Variants in SHC4 observed in about 807,000 individuals in gnomAD.
The protein encoded by SHC4 is SHC adaptor protein 4, also known as SHC-transforming protein 4.
Under a neutral mutation model 69.4 loss-of-function variants are expected in SHC4, and 41 were observed. The ratio of observed to expected loss-of-function variants is 0.59; its 90% CI spans 0.46 to 0.77. The LOEUF (loss-of-function observed/expected upper bound fraction) is 0.77, where lower values mean the gene tolerates loss of function less well. Ranked by LOEUF, SHC4 falls within the 30% of genes least tolerant of loss-of-function variation. SHC4 has a pLI of 0.00. For synonymous variants in SHC4, 318 were observed against 299.3 expected (o/e 1.06, Z -0.64); for missense variants, 777 against 783.8 (o/e 0.99, Z 0.10).
In SHC4 at chr15:48,834,768, C is replaced by T. The variant is rs372121444; in HGVS notation, c.1737+1G>A. On this transcript the variant is annotated splice_donor_variant, in intron 11 of 11. Transcript: ENST00000332408. LOFTEE classifies it high-confidence loss of function. ...AACCTCTAATGAGAAGTCAATGATA[C>T]CTTGCCTTCAGGATCCACCAGGAGA... 2.5e-6 allele frequency: 4 copies of T among 1,613,716 alleles called. No homozygotes were observed. The Admixed American group carries it at 5.0e-5, about 20-fold the overall frequency.
At chr15:48,863,735 T>C (rs1269010850) in intron 6 of SHC4, among the ~76,000 whole-genome samples, 1 of 152,214 alleles carries the variant, frequency 6.6e-6, no homozygotes, top group Non-Finnish European at 1.5e-5. Flanking sequence ...AGATGAAATA[T>C]GATGTCTAAT....
chr15:48,846,230 C>T (rs957942047), intron 9 of SHC4, among the ~76,000 whole-genome samples: 3 of 152,094 alleles, frequency 2.0e-5, no homozygotes, highest in African/African-American at 4.8e-5. Flanking sequence ...ACTATCTGAG[C>T]GGTCTGGGAT....
chr15:48,878,385 AGG>A (rs751490550), intron 4 of SHC4: 1 of 1,612,490 alleles, frequency 6.2e-7, no homozygotes, highest in Non-Finnish European at 8.5e-7. Context: ...GCGGCGCCAG[AGG>A]GGAAACGGAG....
intron 1 of SHC4, among the ~76,000 whole-genome samples, chr15:48,940,217 G>T (rs1172768503): frequency 6.6e-6 from 1 of 152,182 alleles, no homozygotes; most frequent in African/African-American, 2.4e-5. Context: ...TTGTATTCTT[G>T]TCTAGTTAAG....
At chr15:48,829,365 TTTC>T (rs1277191517) in intron 11 of SHC4, among the ~76,000 whole-genome samples, 2 of 152,302 alleles carry the variant, frequency 1.3e-5, no homozygotes, top group Non-Finnish European at 2.9e-5. Flanking sequence ...TTGCTGTCTA[TTTC>T]CCCCTTTAGT....
chr15:48,913,036 GC>G (rs1402245504), intron 2 of SHC4, among the ~76,000 whole-genome samples: 1 of 110,554 alleles, frequency 9.0e-6, no homozygotes, highest in Admixed American at 1.1e-4. Flanking sequence ...GGGGTCCTTA[GC>G]TTTGGTGGTT....
At chr15:48,878,580 T>C (rs748918804) in intron 4 of SHC4, 8 of 1,614,062 alleles carry the variant, frequency 5.0e-6, no homozygotes. Context: ...GACAAGATGT[T>C]TCTGAGAACA....
chr15:48,881,409 G>T (rs1899944725), intron 4 of SHC4, among the ~76,000 whole-genome samples: 1 of 147,370 alleles, frequency 6.8e-6, no homozygotes. Context: ...TTCACCTTTA[G>T]ATAAGGAAGA....
chr15:48,857,104 C>T (rs1338056148), intron 7 of SHC4, among the ~76,000 whole-genome samples: 2 of 152,222 alleles, frequency 1.3e-5, no homozygotes, highest in African/African-American at 2.4e-5. Flanking sequence ...GCATTCCACA[C>T]TTGGTGAGGT....
chr15:48,960,886 T>TC (rs1901535775), intron 1 of SHC4, among the ~76,000 whole-genome samples: 1 of 152,194 alleles, frequency 6.6e-6, no homozygotes, highest in East Asian at 1.9e-4. Flanking sequence ...AGTTTTTTTT[T>TC]CACCCTTTAC....
intron 1 of SHC4, among the ~76,000 whole-genome samples, chr15:48,950,421 A>C (rs1901348400): frequency 1.3e-5 from 2 of 151,966 alleles, no homozygotes; most frequent in Non-Finnish European, 2.9e-5. Flanking sequence ...TATCACACTG[A>C]TGTATATGAC....
At chr15:48,939,537 C>T (rs549978140) in intron 1 of SHC4, among the ~76,000 whole-genome samples, 2 of 152,338 alleles carry the variant, frequency 1.3e-5, no homozygotes, top group African/African-American at 2.4e-5. Context: ...ATTCAATGAG[C>T]TCTTAGAGGG....
intron 5 of SHC4, 45 bp from the exon 6 acceptor site, chr15:48,867,914 A>G: frequency 6.7e-7 from 1 of 1,497,326 alleles, no homozygotes; most frequent in South Asian, 1.2e-5. Context: ...GATGAACTGT[A>G]CTGTTGAAAG....
intron 3 of SHC4, among the ~76,000 whole-genome samples, chr15:48,888,615 T>G (rs1343486985): frequency 6.6e-6 from 1 of 152,100 alleles, no homozygotes; most frequent in East Asian, 1.9e-4. Context: ...AAGATGAGGC[T>G]GGGAGTGGTA....
At chr15:48,848,397 A>G (rs1899139288) in intron 9 of SHC4, among the ~76,000 whole-genome samples, 1 of 152,206 alleles carries the variant, frequency 6.6e-6, no homozygotes, top group Non-Finnish European at 1.5e-5. Context: ...CGAAGTTCCC[A>G]GTTACAATCA....
chr15:48,863,396 ATTAC>A (rs1899486921), intron 6 of SHC4, among the ~76,000 whole-genome samples: 2 of 152,222 alleles, frequency 1.3e-5, no homozygotes, highest in African/African-American at 4.8e-5. Flanking sequence ...TTCCCATATA[ATTAC>A]TTATTTTTCT....
chr15:48,960,889 C>A (rs936190376), intron 1 of SHC4, among the ~76,000 whole-genome samples: 1 of 151,912 alleles, frequency 6.6e-6, no homozygotes, highest in Non-Finnish European at 1.5e-5. Flanking sequence ...TTTTTTTTCA[C>A]CCTTTACAAC....
intron 9 of SHC4, among the ~76,000 whole-genome samples, chr15:48,844,365 T>A (rs1413536753): frequency 6.6e-6 from 1 of 152,214 alleles, no homozygotes; most frequent in Non-Finnish European, 1.5e-5. Context: ...TTTAACAAGC[T>A]GTAGGCCTTG....
intron 2 of SHC4, among the ~76,000 whole-genome samples, chr15:48,905,619 T>C (rs1339217956): frequency 1.3e-5 from 2 of 152,250 alleles, no homozygotes; most frequent in African/African-American, 4.8e-5. Context: ...CTCTGCATGA[T>C]GAAGAAGGCC....
Sources: gnomAD v4.1 joint callset for allele counts (sites outside exome capture counted in the v4.1 genomes callset) on GRCh38, gnomAD v4.1.1 for gene constraint, MANE v1.5 for transcripts, NCBI Gene and HGNC (gene_info 2026-07-23, HGNC 2026-07-21) for gene names.